ADK: variants seen among roughly 807,000 people sequenced by gnomAD.
The protein encoded by ADK is N6,N6-dimethyladenosine kinase.
In ADK, 24 loss-of-function variants were observed where a neutral mutation model predicts 44.7. The observed-to-expected ratio is 0.54, with a 90% CI of 0.39 to 0.76. The LOEUF (loss-of-function observed/expected upper bound fraction) is 0.76. Among genes scored for constraint, ADK ranks in the 30% least tolerant of loss-of-function variants. The pLI is 0.00. For missense variants in ADK, 321 were observed against 425.1 expected, an observed-to-expected ratio of 0.76 and a Z score of 2.15; for synonymous variants, 128 against 142.6, an observed-to-expected ratio of 0.90 and a Z score of 0.73.
At chr10:74,634,509 G>A (rs569691813) in intron 9 of ADK, among the ~76,000 whole-genome samples, 6 of 151,652 alleles carry the variant, frequency 4.0e-5, no homozygotes, top group East Asian at 3.9e-4. Flanking sequence ...CACCATGCCC[G>A]GCTGGCATTT....
At chr10:74,589,257 CTG>C in intron 7 of ADK, 23 bp from the exon 8 acceptor site, 9 of 1,596,824 alleles carry the variant, frequency 5.6e-6, no homozygotes, top group Non-Finnish European at 7.7e-6. Flanking sequence ...TTATAATTAA[CTG>C]TTCTTTTTTT....
At chr10:74,246,771 G>A (rs1265529427) in intron 3 of ADK, among the ~76,000 whole-genome samples, 6 of 152,110 alleles carry the variant, frequency 3.9e-5, no homozygotes, top group African/African-American at 1.4e-4. Context: ...GGAGCCTAGT[G>A]TAGGAGTTTT....
At chr10:74,490,350 T>C (rs543728537) in intron 6 of ADK, among the ~76,000 whole-genome samples, 1 of 152,228 alleles carries the variant, frequency 6.6e-6, no homozygotes, top group South Asian at 2.1e-4. Context: ...TTAATGATAA[T>C]GTAGAACGAT....
chr10:74,707,170 G>A (rs1007757566), intron 10 of ADK, among the ~76,000 whole-genome samples: 39 of 152,234 alleles, frequency 2.6e-4, no homozygotes, highest in African/African-American at 8.7e-4. Flanking sequence ...TGAGTAGCTA[G>A]GTCTACAGGC....
intron 8 of ADK, among the ~76,000 whole-genome samples, chr10:74,600,036 G>T (rs570185239): frequency 1.1e-3 from 175 of 152,178 alleles, no homozygotes; most frequent in Admixed American, 2.4e-3. Flanking sequence ...TTGTGGTTAT[G>T]TTTATCATTA....
chr10:74,291,849 A>G (rs1157824402), intron 3 of ADK, among the ~76,000 whole-genome samples: 1 of 151,894 alleles, frequency 6.6e-6, no homozygotes, highest in East Asian at 1.9e-4. Flanking sequence ...TCATCTGTAC[A>G]GTATTTTGTT....
At chr10:74,527,360 A>AAAAC (rs904444190) in intron 7 of ADK, among the ~76,000 whole-genome samples, 6 of 111,102 alleles carry the variant, frequency 5.4e-5, no homozygotes, top group African/African-American at 3.6e-4. Flanking sequence ...TCCGTCTCAA[A>AAAAC]AAACAAACAA....
At chr10:74,317,389 T>A (rs1840660015) in intron 4 of ADK, among the ~76,000 whole-genome samples, 1 of 152,128 alleles carries the variant, frequency 6.6e-6, no homozygotes, top group Non-Finnish European at 1.5e-5. Flanking sequence ...TTGTCAGTTT[T>A]TAAAAAATTT....
chr10:74,251,521 A>G (rs965731780), intron 3 of ADK, among the ~76,000 whole-genome samples: 16 of 152,234 alleles, frequency 1.1e-4, no homozygotes, highest in Non-Finnish European at 1.9e-4. Flanking sequence ...AAGTTTAGGT[A>G]AAATGCTAAG....
chr10:74,670,679 CCTTTGGTTAAAACATCTGTTTCA>C (rs942350451), intron 10 of ADK, among the ~76,000 whole-genome samples: 2 of 152,048 alleles, frequency 1.3e-5, no homozygotes, highest in African/African-American at 4.8e-5. Context: ...TGATGATAAT[CCTTTGGTTAAAACATCTGTTTCA>C]AACACAATAG....
chr10:74,196,102 C>G (rs1843139179), intron 1 of ADK, among the ~76,000 whole-genome samples: 1 of 151,682 alleles, frequency 6.6e-6, no homozygotes, highest in Admixed American at 6.6e-5. Context: ...CCACGTCCAG[C>G]CTGTGCTAAT....
At chr10:74,244,243 A>C (rs972746496) in intron 3 of ADK, among the ~76,000 whole-genome samples, 1 of 152,232 alleles carries the variant, frequency 6.6e-6, no homozygotes, top group Admixed American at 6.5e-5. Context: ...GTAAATTTAG[A>C]AAATTATTTT....
At chr10:74,619,887 A>AT (rs899360856) in intron 9 of ADK, among the ~76,000 whole-genome samples, 3 of 151,806 alleles carry the variant, frequency 2.0e-5, no homozygotes, top group Non-Finnish European at 2.9e-5. Flanking sequence ...CACCTGGCTA[A>AT]TTTTTTTTAT....
chr10:74,236,234 G>A (rs374331688), intron 3 of ADK, among the ~76,000 whole-genome samples: 5 of 152,248 alleles, frequency 3.3e-5, no homozygotes, highest in East Asian at 1.9e-4. Context: ...AAAAATGAGC[G>A]AACTGATTTC....
At chr10:74,646,720 C>A (rs543965667) in intron 9 of ADK, among the ~76,000 whole-genome samples, 1 of 152,046 alleles carries the variant, frequency 6.6e-6, no homozygotes, top group Non-Finnish European at 1.5e-5. Context: ...GCAGCAGTTT[C>A]GCAGTGCAAA....
chr10:74,336,322 T>C (rs1460484548), intron 4 of ADK, among the ~76,000 whole-genome samples: 3 of 152,216 alleles, frequency 2.0e-5, no homozygotes, highest in African/African-American at 7.2e-5. Context: ...TTGTACTTTT[T>C]TGAAAATCAA....
intron 4 of ADK, among the ~76,000 whole-genome samples, chr10:74,349,450 C>T (rs932488864): frequency 6.6e-6 from 1 of 152,196 alleles, no homozygotes; most frequent in Non-Finnish European, 1.5e-5. Flanking sequence ...GTACTAGCCA[C>T]TGCACAAACA....
At chr10:74,540,032 C>T (rs551334818) in intron 7 of ADK, among the ~76,000 whole-genome samples, 327 of 152,308 alleles carry the variant, frequency 2.1e-3, no homozygotes, top group Admixed American at 3.4e-3. Context: ...CTTACTCCTT[C>T]GTCTCCCTCT....
chr10:74,337,528 A>T (rs1297252207), intron 4 of ADK, among the ~76,000 whole-genome samples: 1 of 152,212 alleles, frequency 6.6e-6, no homozygotes, highest in Non-Finnish European at 1.5e-5. Flanking sequence ...TATCTGACTC[A>T]TGCCTTGTGA....
Sources: allele counts gnomAD v4.1 joint callset (sites outside exome capture counted in the v4.1 genomes callset), GRCh38; gene constraint gnomAD v4.1.1; transcripts MANE v1.5; gene names NCBI Gene and HGNC (gene_info 2026-07-23, HGNC 2026-07-21).